ZNF284: variants seen among roughly 807,000 people sequenced by gnomAD.
ZNF284 encodes the protein zinc finger protein 284.
ZNF284 carries 12 observed loss-of-function variants against 12.9 expected under a neutral mutation model. That is an observed-to-expected ratio of 0.93 (90% CI 0.60 to 1.51). The LOEUF (loss-of-function observed/expected upper bound fraction) is 1.51. Among genes scored for constraint, ZNF284 ranks in the 40% most tolerant of loss-of-function variants. The pLI is 0.00. For missense variants in ZNF284, 667 were observed against 707.3 expected, an observed-to-expected ratio of 0.94 and a Z score of 0.65; for synonymous variants, 225 against 236.5, an observed-to-expected ratio of 0.95 and a Z score of 0.45.
At chr19:44,085,386 G>A (rs908097655) in intron 4 of ZNF284, 13 of 190,818 alleles carry the variant, frequency 6.8e-5, no homozygotes, top group South Asian at 4.3e-4. Flanking sequence ...TACCCTTAAC[G>A]TTCCTTCTGA....
intron 1 of ZNF284, among the ~76,000 whole-genome samples, chr19:44,075,562 CT>C (rs924413073): frequency 6.6e-6 from 1 of 152,084 alleles, no homozygotes; most frequent in Non-Finnish European, 1.5e-5. Context: ...TGTGAAGTTA[CT>C]TTTTTTAAAT....
chr19:44,086,491 C>A lies in ZNF284; in HGVS notation c.1013C>A (p.Thr338Lys), dbSNP rs1210968540. ...CTTAATAGTCATTGCATGGACCACA[C>A]AAAAGAGAAACTATACAAATGTGAA... ...SALNSHCMDH[T>K]KEKLYKCEEC... Residue 338 changes from threonine (T) to lysine (K), a missense_variant, in exon 5 of 5, where the codon ACA becomes AAA. By Grantham distance (78) the Thr-to-Lys change is moderately conservative. Transcript: ENST00000421176. The A allele has an allele frequency of 6.2e-7, 1 of 1,614,040 alleles. No individual in the cohort carries two copies. Among genetic ancestry groups the A allele is most frequent in the Non-Finnish European group, 8.5e-7 (1 of 1,180,040 alleles).
chr19:44,075,964 A>G (rs1156515730), intron 1 of ZNF284, among the ~76,000 whole-genome samples: 1 of 152,132 alleles, frequency 6.6e-6, no homozygotes, highest in African/African-American at 2.4e-5. Flanking sequence ...TACTTTCTCT[A>G]TGATACATTT....
intron 4 of ZNF284, 68 bp downstream of exon 4, chr19:44,082,173 C>A: frequency 7.7e-7 from 1 of 1,298,898 alleles, no homozygotes; most frequent in Non-Finnish European, 1.1e-6. Context: ...GTCCATTGCC[C>A]AACTCCATTG....
chr19:44,081,878 C>G (rs1036068320), intron 3 of ZNF284, 135 bp from the exon 4 acceptor site: 3 of 626,576 alleles, frequency 4.8e-6, no homozygotes, highest in Non-Finnish European at 8.3e-6. Context: ...ATTATGGGAA[C>G]TACAATTCAA....
At chr19:44,085,373 T>C in intron 4 of ZNF284, 1 of 186,522 alleles carries the variant, frequency 5.4e-6, no homozygotes, top group Non-Finnish European at 1.1e-5. Context: ...CTTGAAGTCC[T>C]CCTACCCTTA....
intron 2 of ZNF284, among the ~76,000 whole-genome samples, chr19:44,077,535 C>CTTTTTTTTTTTTTTTTTTTTTTTTTGTTT (rs763788955): frequency 1.3e-5 from 1 of 76,238 alleles, no homozygotes; most frequent in Non-Finnish European, 2.8e-5. Flanking sequence ...ATTTTTCTGT[C>CTTTTTTTTTTTTTTTTTTTTTTTTTGTTT]TTTTTTTTTT....
In ZNF284 at chr19:44,086,575, C is replaced by A. The variant is rs1967252362; in HGVS notation, c.1097C>A (p.Thr366Lys). The A allele has an allele frequency of 6.2e-7, 1 of 1,614,036 alleles. No individual in the cohort carries two copies. Residue 366 changes from threonine (T) to lysine (K), a missense_variant, in exon 5 of 5, where the codon ACA (threonine) becomes AAA (lysine). Transcript: ENST00000421176. ...QDLCKHQMDH[T>K]GDKPYNCNVC... ...CTTTGTAAGCATCAGATGGACCATA[C>A]AGGAGACAAACCATATAATTGTAAT...
chr19:44,083,474 TAGAGAGAG>T (rs60441974), intron 4 of ZNF284, among the ~76,000 whole-genome samples: 9 of 64,922 alleles, frequency 1.4e-4, no homozygotes, highest in African/African-American at 4.5e-4. Context: ...TATATATATA[TAGAGAGAG>T]AGAGAGAGAG....
At chr19:44,074,326 C>G (rs764001962) in intron 1 of ZNF284, among the ~76,000 whole-genome samples, 22 of 151,974 alleles carry the variant, frequency 1.4e-4, no homozygotes, top group Non-Finnish European at 2.5e-4. Context: ...ATACTCCAGC[C>G]TGGGCAACAA....
rs1332654997 is a variant in ZNF284 at position 44,083,489 on chromosome 19, AGAGAGAGAGAGAGG to A, written c.235+1387_235+1400del. On this transcript the variant is annotated intron_variant, in intron 4 of 4. Coordinates refer to ENST00000421176, the MANE Select transcript of ZNF284 (RefSeq NM_001037813.4). ...TATATATATATAGAGAGAGAGAGAG[AGAGAGAGAGAGAGG>A]GAATGGAATACCATCCTATCTTTAC... Among the ~76,000 whole-genome samples, 388 of 98,684 alleles carry A rather than the reference AGAGAGAGAGAGAGG, an allele frequency of 3.9e-3. 50 individuals carry two copies. The highest frequency in any genetic ancestry group is 9.3e-3 in the East Asian group (36 of 3,864). 64.7% of individuals were successfully genotyped at this position (98,684 alleles called of 152,430 possible).
At chr19:44,074,609 T>C (rs951712396) in intron 1 of ZNF284, among the ~76,000 whole-genome samples, 5 of 152,148 alleles carry the variant, frequency 3.3e-5, no homozygotes, top group Admixed American at 6.5e-5. Flanking sequence ...AATTGTGGGG[T>C]GTCTTGGTAA....
chr19:44,087,510 T>C lies in ZNF284; in HGVS notation c.*250T>C, dbSNP rs994298258. On this transcript the variant is annotated 3_prime_UTR_variant, in exon 5 of 5. Transcript: ENST00000421176. ...TTCCTTTCATCATCTTACTGTACTT[T>C]CATATCTGTTAACGAATCTTTCATC... 2.2e-5 allele frequency: 6 copies of C among 269,202 alleles called. No individual in the cohort carries two copies. Among genetic ancestry groups the C allele is most frequent in the African/African-American group, 4.4e-5 (2 of 45,192 alleles). 16.7% of individuals were successfully genotyped at this position (269,202 alleles called of 1,614,324 possible). A position where few individuals can be genotyped will look rare whatever the true frequency, so the allele number is the denominator to read the frequency against.
Position 44,087,592 on chromosome 19 carries a change from C to CTTTTTT in ZNF284, c.*353_*358dup, listed in dbSNP as rs924151303. ...TAATTGCTATGCCATGCTGCTTCTGCTTTTTTTTTTTTTTTTTTTTTTTTT... is the reference window on the plus strand; with the variant it reads ...TAATTGCTATGCCATGCTGCTTCTGCTTTTTTTTTTTTTTTTTTTTTTTTTTTTTTT... On this transcript the variant is annotated 3_prime_UTR_variant, in exon 5 of 5. Transcript: ENST00000421176. The CTTTTTT allele has an allele frequency of 2.0e-5, 2 of 100,260 alleles. No individual in the cohort carries two copies. The highest frequency in any genetic ancestry group is 4.7e-5 in the African/African-American group (1 of 21,400). 6.2% of individuals were successfully genotyped at this position (100,260 alleles called of 1,614,324 possible).
Position 44,072,240 on chromosome 19 carries a change from C to T in ZNF284, c.-120C>T, listed in dbSNP as rs1966956639. The T allele has an allele frequency of 6.6e-6, 1 of 152,216 alleles. No individual in the cohort carries two copies. The highest frequency in any genetic ancestry group is 1.5e-5 in the Non-Finnish European group (1 of 68,082). 9.4% of individuals were successfully genotyped at this position (152,216 alleles called of 1,614,324 possible). A position where few individuals can be genotyped will look rare whatever the true frequency, so the allele number is the denominator to read the frequency against. ...CGTGTCCCCTTACGATGCTGGCTCG[C>T]AACCACCTGGAAGTTGACTAAGGGG... On this transcript the variant is annotated 5_prime_UTR_variant, in exon 1 of 5. Transcript: ENST00000421176.
At chr19:44,083,474 TAGAGAG>T (rs60441974) in intron 4 of ZNF284, among the ~76,000 whole-genome samples, 651 of 64,908 alleles carry the variant, frequency 0.01, 36 homozygotes, top group African/African-American at 0.03. Flanking sequence ...TATATATATA[TAGAGAG>T]AGAGAGAGAG....
Position 44,082,005 on chromosome 19 carries a change from G to T in ZNF284, c.143-8G>T. 6.2e-7 allele frequency: 1 copy of T among 1,611,068 alleles called. No individual in the cohort carries two copies. Among genetic ancestry groups the T allele is most frequent in the Non-Finnish European group, 8.5e-7 (1 of 1,177,732 alleles). The stretch of plus-strand genomic sequence containing the variant: ...GTATTGGGATTAAGCATGTGACTTT[G>T]TTCACAGGGCATCAACTTTCCCACC... On this transcript the variant is annotated splice_polypyrimidine_tract_variant and splice_region_variant and intron_variant, in intron 3 of 4. Coordinates refer to ENST00000421176, the MANE Select transcript of ZNF284 (RefSeq NM_001037813.4).
chr19:44,082,991 C>T lies in ZNF284; in HGVS notation c.235+886C>T, dbSNP rs199778941. The stretch of plus-strand genomic sequence containing the variant: ...TGGACATCTTTCAAGGACCATTGTT[C>T]TGTCTACTACAGAAGCTTCTGTCTT... On this transcript the variant is annotated intron_variant, in intron 4 of 4. Coordinates refer to ENST00000421176, the MANE Select transcript of ZNF284 (RefSeq NM_001037813.4). Among the ~76,000 whole-genome samples the T allele has an allele frequency of 2.0e-5, 3 of 152,276 alleles. No homozygotes were observed. In the East Asian group the frequency reaches 5.8e-4, roughly 29 times the overall value.
chr19:44,078,118 A>G (rs547785084), intron 2 of ZNF284, among the ~76,000 whole-genome samples: 2 of 152,372 alleles, frequency 1.3e-5, no homozygotes, highest in East Asian at 3.9e-4. Context: ...TCTTATGTAC[A>G]GAATGGAGAA....
Sources: gnomAD v4.1 joint callset for allele counts (sites outside exome capture counted in the v4.1 genomes callset) on GRCh38, gnomAD v4.1.1 for gene constraint, MANE v1.5 for transcripts, NCBI Gene and HGNC (gene_info 2026-07-23, HGNC 2026-07-21) for gene names.